Variants in MYO3B observed in about 807,000 individuals in gnomAD.
The protein encoded by MYO3B is myosin-IIIb.
In MYO3B, 156 loss-of-function variants were observed where a neutral mutation model predicts 174.6. The observed-to-expected ratio is 0.89, with a 90% CI of 0.78 to 1.02. The LOEUF is 1.02. Among genes scored for constraint, MYO3B ranks in the 50% least tolerant of loss-of-function variants. MYO3B has a pLI of 0.00. For synonymous variants in MYO3B, 563 were observed against 569.1 expected (o/e 0.99, Z 0.15); for missense variants, 1,632 against 1,639.4 (o/e 1.00, Z 0.08).
chr2:170,241,210 C>T (rs1480957231), intron 7 of MYO3B, among the ~76,000 whole-genome samples: 1 of 151,874 alleles, frequency 6.6e-6, no homozygotes, highest in Non-Finnish European at 1.5e-5. Flanking sequence ...AGTTGGAACA[C>T]ACTTTCTCAT....
At chr2:170,219,984 T>G (rs138781868) in intron 6 of MYO3B, among the ~76,000 whole-genome samples, 1 of 152,044 alleles carries the variant, frequency 6.6e-6, no homozygotes, top group Admixed American at 6.5e-5. Context: ...TGTGGCCGGG[T>G]GTGGTGGCTC....
chr2:170,542,921 G>A lies in MYO3B; in HGVS notation c.3591G>A (p.Gln1197=). ...VTEKNGHSQA[Q]SSPKGCDIFA... Reference sequence around the variant, plus strand: ...ATCTTTTCAGGCATTCACAAGCCCAGAGTTCTCCAAAAGGGTGCGATATCT... The same window carrying A: ...ATCTTTTCAGGCATTCACAAGCCCAAAGTTCTCCAAAAGGGTGCGATATCT... The change falls in exon 31 of 35, where the codon CAG becomes CAA. Residue 1197 remains glutamine (Q), a synonymous_variant. Transcript: ENST00000408978. 6.2e-7 allele frequency: 1 copy of A among 1,608,162 alleles called. No homozygotes were observed. Among genetic ancestry groups the A allele is most frequent in the Non-Finnish European group, 8.5e-7 (1 of 1,176,974 alleles).
At chr2:170,491,709 G>A (rs1686495709) in intron 25 of MYO3B, among the ~76,000 whole-genome samples, 2 of 152,246 alleles carry the variant, frequency 1.3e-5, no homozygotes, top group African/African-American at 4.8e-5. Flanking sequence ...ACAGGCATGA[G>A]CCACTGTGCC....
At chr2:170,370,351 C>T (rs574274710) in intron 9 of MYO3B, among the ~76,000 whole-genome samples, 4 of 152,252 alleles carry the variant, frequency 2.6e-5, no homozygotes, top group African/African-American at 9.6e-5. Context: ...GAGCTGGAGG[C>T]GTAGTATCAA....
chr2:170,282,889 C>T (rs1488681874), intron 7 of MYO3B, among the ~76,000 whole-genome samples: 2 of 152,124 alleles, frequency 1.3e-5, no homozygotes, highest in African/African-American at 2.4e-5. Context: ...CTGAGGAGTA[C>T]ATACTTTGGC....
At chr2:170,517,285 A>G (rs769335082) in intron 29 of MYO3B, among the ~76,000 whole-genome samples, 3 of 152,248 alleles carry the variant, frequency 2.0e-5, no homozygotes, top group Non-Finnish European at 4.4e-5. Flanking sequence ...AATAAGAAAC[A>G]TGGAATAAGT....
At chr2:170,437,195 G>C (rs751846590) in intron 22 of MYO3B, among the ~76,000 whole-genome samples, 1 of 151,342 alleles carries the variant, frequency 6.6e-6, no homozygotes, top group Non-Finnish European at 1.5e-5. Context: ...AGAAGCTGCT[G>C]TCTCCCACTC....
intron 32 of MYO3B, among the ~76,000 whole-genome samples, chr2:170,580,653 G>C (rs1034894821): frequency 6.2e-5 from 9 of 146,184 alleles, no homozygotes; most frequent in African/African-American, 2.3e-4. Context: ...AAAAACAAAA[G>C]AAAACAAAAT....
rs750687136 is a variant in MYO3B at position 170,400,278 on chromosome 2, A to G, written c.1882A>G (p.Lys628Glu). 1.1e-5 allele frequency: 18 copies of G among 1,614,032 alleles called. No individual in the cohort carries two copies. In the East Asian group the frequency reaches 3.6e-4, roughly 32 times the overall value. The change falls in exon 17 of 35, where the codon AAA becomes GAA. Residue 628 changes from lysine (K) to glutamate (E), a missense_variant. Transcript: ENST00000408978. Reference sequence around the variant, plus strand: ...TATTTCCTCTCAACATCAGACTGATAAAAGTGAGGTGCCCAATGCTGAAGC... The same window carrying G: ...TATTTCCTCTCAACATCAGACTGATGAAAGTGAGGTGCCCAATGCTGAAGC... Reference protein sequence around the residue: ...AAISSQHQTDKSEVPNAEALQ... With the variant: ...AAISSQHQTDESEVPNAEALQ...
intron 25 of MYO3B, among the ~76,000 whole-genome samples, chr2:170,471,402 T>C (rs1002641572): frequency 1.1e-4 from 17 of 152,170 alleles, no homozygotes; most frequent in African/African-American, 4.1e-4. Flanking sequence ...TTAATTTTGA[T>C]GAAGTTCAAT....
At chr2:170,444,081 C>T in intron 23 of MYO3B, 35 bp downstream of exon 23, 1 of 1,559,240 alleles carries the variant, frequency 6.4e-7, no homozygotes, top group Non-Finnish European at 8.8e-7. Context: ...ATAGTATGGA[C>T]TGGCAGGTAC....
At chr2:170,249,688 G>A (rs1363311332) in intron 7 of MYO3B, among the ~76,000 whole-genome samples, 1 of 152,208 alleles carries the variant, frequency 6.6e-6, no homozygotes, top group Non-Finnish European at 1.5e-5. Flanking sequence ...CTGTCTGGTT[G>A]GGTTTACAGA....
chr2:170,400,384 A>T, intron 17 of MYO3B, 70 bp downstream of exon 17: 1 of 1,513,144 alleles, frequency 6.6e-7, no homozygotes, highest in Non-Finnish European at 8.9e-7. Context: ...GTAAAATATA[A>T]TGCAGCATTT....
At chr2:170,619,629 T>C (rs1490254350) in intron 32 of MYO3B, among the ~76,000 whole-genome samples, 4 of 151,558 alleles carry the variant, frequency 2.6e-5, no homozygotes, top group African/African-American at 9.7e-5. Flanking sequence ...CGTTACCATG[T>C]GGCAGCTGTC....
At chr2:170,207,689 T>TC (rs1209994821) in intron 3 of MYO3B, among the ~76,000 whole-genome samples, 1 of 151,886 alleles carries the variant, frequency 6.6e-6, no homozygotes, top group East Asian at 1.9e-4. Context: ...GCTTTTTTTT[T>TC]TCTCAAAGGA....
chr2:170,214,431 G>A lies in MYO3B; in HGVS notation c.374G>A (p.Gly125Asp). 1 of 1,614,206 alleles carries A rather than the reference G, an allele frequency of 6.2e-7. No individual in the cohort carries two copies. Among genetic ancestry groups the A allele is most frequent in the South Asian group, 1.1e-5 (1 of 91,086 alleles). Residue 125 changes from glycine (G) to aspartate (D), a missense_variant, in exon 4 of 35, where the codon GGC becomes GAC. Physicochemically the swap from Gly to Asp is moderately conservative, Grantham distance 94 (BLOSUM62 -1). Transcript: ENST00000408978. ...CTTGTCAAAGGTCTACTCAGATGTGGCCAGCGGTTGGATGAAGCAATGATC... is the reference window on the plus strand; with the variant it reads ...CTTGTCAAAGGTCTACTCAGATGTGACCAGCGGTTGGATGAAGCAATGATC... ...TELVKGLLRCGQRLDEAMISY... is the reference protein window; with the variant it reads ...TELVKGLLRCDQRLDEAMISY...
At chr2:170,372,591 A>G (rs1157104612) in intron 9 of MYO3B, among the ~76,000 whole-genome samples, 2 of 152,224 alleles carry the variant, frequency 1.3e-5, no homozygotes, top group African/African-American at 4.8e-5. Flanking sequence ...AAGGCAAATC[A>G]GATGCAGTTC....
At chr2:170,286,302 G>A (rs2093555970) in intron 7 of MYO3B, among the ~76,000 whole-genome samples, 1 of 152,098 alleles carries the variant, frequency 6.6e-6, no homozygotes, top group African/African-American at 2.4e-5. Context: ...TCCTAACAGA[G>A]TAAGATGCCT....
chr2:170,329,131 G>A lies in MYO3B; in HGVS notation c.750-6254G>A, dbSNP rs553999188. 2.3e-3 allele frequency among the ~76,000 whole-genome samples: 335 copies of A among 148,360 alleles called. No individual in the cohort carries two copies. In the Middle Eastern group the frequency reaches 0.028, roughly 12 times the overall value. On this transcript the variant is annotated intron_variant, in intron 7 of 34. Coordinates refer to ENST00000408978, the MANE Select transcript of MYO3B (RefSeq NM_138995.5). ...CGCTCCATTGCACTCCATCCTGGGC[G>A]ACTGAGTGAGACTCTGTCTCCAAAA...
Sources: gnomAD v4.1 joint callset for allele counts (sites outside exome capture counted in the v4.1 genomes callset) on GRCh38, gnomAD v4.1.1 for gene constraint, MANE v1.5 for transcripts, NCBI Gene and HGNC (gene_info 2026-07-23, HGNC 2026-07-21) for gene names.